The following DOCK8 variants were observed in gnomAD, a reference collection of about 807,000 sequenced individuals.
The protein encoded by DOCK8 is dedicator of cytokinesis 8, also known as dedicator of cytokinesis protein 8.
A neutral mutation model predicts 245.6 loss-of-function variants in DOCK8; 141 were observed. That is an observed-to-expected ratio of 0.57 (90% CI 0.50 to 0.66). The LOEUF is 0.66. DOCK8 is among the 30% of genes least tolerant of loss of function. DOCK8 has a pLI of 0.00. For synonymous variants in DOCK8, 1,168 were observed against 970.2 expected, an observed-to-expected ratio of 1.20 and a Z score of -3.79; for missense variants, 2,965 against 2,603.4, an observed-to-expected ratio of 1.14 and a Z score of -3.02.
intron 1 of DOCK8, among the ~76,000 whole-genome samples, chr9:235,935 A>T (rs1301007703): frequency 2.0e-5 from 3 of 152,182 alleles, no homozygotes; most frequent in Non-Finnish European, 4.4e-5. Flanking sequence ...GGCACTCCCC[A>T]GTGAGATGAA....
intron 24 of DOCK8, among the ~76,000 whole-genome samples, chr9:394,375 T>C (rs1399335498): frequency 6.6e-6 from 1 of 152,228 alleles, no homozygotes; most frequent in Non-Finnish European, 1.5e-5. Context: ...TCATACATTG[T>C]TTATGCATTT....
intron 1 of DOCK8, among the ~76,000 whole-genome samples, chr9:237,019 C>T (rs1045838092): frequency 7.2e-5 from 11 of 152,192 alleles, no homozygotes; most frequent in African/African-American, 1.4e-4. Flanking sequence ...TCTTGCCTGG[C>T]GGCACTTCCA....
At position 325,658 on chromosome 9, in the gene DOCK8, C is replaced by G; in HGVS notation, c.828-13C>G. 2 of 1,612,398 alleles carry G rather than the reference C, an allele frequency of 1.2e-6. No homozygotes were observed. Among genetic ancestry groups the G allele is most frequent in the Non-Finnish European group, 1.7e-6 (2 of 1,178,450 alleles). On this transcript the variant is annotated splice_polypyrimidine_tract_variant and intron_variant, in intron 7 of 47. Transcript: ENST00000432829. ...CTCAAAGCCACATAGATTTTCCTCT[C>G]TTTCTATGGTAGGTTCGAGATTGAA...
At position 304,461 on chromosome 9, in the gene DOCK8, C is replaced by T. The variant is rs2049715263; in HGVS notation, c.405-120C>T. 6.0e-6 allele frequency: 8 copies of T among 1,343,640 alleles called. No homozygotes were observed. The South Asian group carries it at 9.7e-5, about 16-fold the overall frequency. The allele number at this position is 1,343,640 out of a possible 1,614,324, so 83.2% of individuals were successfully genotyped here. A position where few individuals can be genotyped will look rare whatever the true frequency, so the allele number is the denominator to read the frequency against. On this transcript the variant is annotated intron_variant, in intron 4 of 47. Transcript: ENST00000432829. The stretch of plus-strand genomic sequence containing the variant: ...AATGTGAGGAATTATAATTGGTTCC[C>T]TCTTTGAAAGCTCTCTCAGCACCAT...
intron 46 of DOCK8, among the ~76,000 whole-genome samples, chr9:460,994 G>T (rs1036209709): frequency 3.3e-5 from 5 of 152,154 alleles, no homozygotes; most frequent in African/African-American, 1.2e-4. Context: ...CCATTATTCT[G>T]TCCCTTTAAG....
At chr9:229,794 A>T (rs901661936) in intron 1 of DOCK8, among the ~76,000 whole-genome samples, 3 of 152,174 alleles carry the variant, frequency 2.0e-5, no homozygotes, top group Non-Finnish European at 4.4e-5. Context: ...TATATCAATT[A>T]GGATTGCTTT....
intron 1 of DOCK8, 24 bp downstream of exon 1, chr9:215,053 A>G (rs1285092635): frequency 6.4e-6 from 10 of 1,562,266 alleles, no homozygotes; most frequent in Non-Finnish European, 6.9e-6. Context: ...CGCGGCGCGC[A>G]GGTTGCGGCC....
chr9:383,409 G>A (rs2053811346), intron 22 of DOCK8, among the ~76,000 whole-genome samples: 1 of 152,190 alleles, frequency 6.6e-6, no homozygotes, highest in Non-Finnish European at 1.5e-5. Context: ...GCACATGCCT[G>A]TAATCCCAGC....
At chr9:215,464 T>A (rs1317795389) in intron 1 of DOCK8, 1 of 1,483,426 alleles carries the variant, frequency 6.7e-7, no homozygotes, top group Non-Finnish European at 8.9e-7. Context: ...AAATTAGAGT[T>A]GCGTTTGAGG....
intron 7 of DOCK8, among the ~76,000 whole-genome samples, chr9:325,134 G>T (rs1267694120): frequency 2.2e-4 from 7 of 31,166 alleles, no homozygotes; most frequent in African/African-American, 7.9e-4. Context: ...TCCTGCAAAA[G>T]ACATTAATTA....
Position 340,186 on chromosome 9 carries a change from C to A in DOCK8, c.1544C>A (p.Ala515Asp). 6.2e-7 allele frequency: 1 copy of A among 1,614,142 alleles called. No individual in the cohort carries two copies. Among genetic ancestry groups the A allele is most frequent in the African/African-American group, 1.3e-5 (1 of 75,030 alleles). The stretch of plus-strand genomic sequence containing the variant: ...TTGCTAAGACTGGAGATTTCTACAG[C>A]TCCAGAGATCATCAATTGCTGTCTG... Reference protein sequence around the residue: ...PGLLRLEISTAPEIINCCLTP... With the variant: ...PGLLRLEISTDPEIINCCLTP... Residue 515 changes from alanine (A) to aspartate (D), a missense_variant, in exon 14 of 48, where the codon GCT (alanine) becomes GAT (aspartate). By Grantham distance (126) the Ala-to-Asp change is moderately radical. Transcript: ENST00000432829.
intron 20 of DOCK8, among the ~76,000 whole-genome samples, chr9:378,523 G>A (rs961649807): frequency 6.6e-6 from 1 of 152,202 alleles, no homozygotes; most frequent in Admixed American, 6.5e-5. Flanking sequence ...GTCCTGTGTT[G>A]GAGGCTAACT....
chr9:386,151 A>AATT (rs1309040859), intron 22 of DOCK8, among the ~76,000 whole-genome samples, 180 bp from the exon 23 acceptor site: 2 of 152,202 alleles, frequency 1.3e-5, no homozygotes, highest in African/African-American at 4.8e-5. Flanking sequence ...GAGCAAGTAA[A>AATT]ATTAGGTATA....
intron 18 of DOCK8, among the ~76,000 whole-genome samples, chr9:373,217 C>T (rs561631117): frequency 5.1e-4 from 78 of 152,216 alleles, no homozygotes; most frequent in African/African-American, 1.8e-3. Flanking sequence ...ACTGTCCACC[C>T]TGACTGCACC....
intron 1 of DOCK8, among the ~76,000 whole-genome samples, chr9:238,510 A>C (rs2047311532): frequency 6.6e-6 from 1 of 152,240 alleles, no homozygotes; most frequent in Non-Finnish European, 1.5e-5. Context: ...TTAAAACAAC[A>C]GGCACCATAA....
intron 28 of DOCK8, among the ~76,000 whole-genome samples, chr9:411,148 C>A (rs986666503): frequency 4.6e-5 from 7 of 152,224 alleles, no homozygotes; most frequent in African/African-American, 1.4e-4. Context: ...CGCAGTGGCT[C>A]ATACCTGTAA....
intron 34 of DOCK8, among the ~76,000 whole-genome samples, chr9:427,477 G>A (rs1021790369): frequency 6.6e-5 from 10 of 152,164 alleles, no homozygotes; most frequent in Admixed American, 2.6e-4. Context: ...CCATGAATTT[G>A]CCATCCCTGC....
chr9:240,705 A>G (rs529903038), intron 1 of DOCK8, among the ~76,000 whole-genome samples: 145 of 152,218 alleles, frequency 9.5e-4, no homozygotes, highest in African/African-American at 3.4e-3. Context: ...ATATTTCTTG[A>G]GCACTTACTT....
intron 39 of DOCK8, among the ~76,000 whole-genome samples, chr9:438,242 G>C (rs1237445452): frequency 6.6e-6 from 1 of 152,210 alleles, no homozygotes; most frequent in Non-Finnish European, 1.5e-5. Context: ...AGCCAACTCT[G>C]ATCAGTTAGT....
Sources: gnomAD v4.1 joint callset for allele counts (sites outside exome capture counted in the v4.1 genomes callset) on GRCh38, gnomAD v4.1.1 for gene constraint, MANE v1.5 for transcripts, NCBI Gene and HGNC (gene_info 2026-07-23, HGNC 2026-07-21) for gene names.